Variants in SLC14A2 observed in about 807,000 individuals in gnomAD.
SLC14A2 encodes urea transporter 2.
Under a neutral mutation model 104.6 loss-of-function variants are expected in SLC14A2, and 91 were observed. That is an observed-to-expected ratio of 0.87 (90% CI 0.73 to 1.04). The LOEUF (loss-of-function observed/expected upper bound fraction) is 1.04, where lower values mean the gene tolerates loss of function less well. Ranked by LOEUF, SLC14A2 falls within the 50% of genes least tolerant of loss-of-function variation. SLC14A2 has a pLI of 0.00. For synonymous variants in SLC14A2, 476 were observed against 466.4 expected (o/e 1.02, Z -0.27); for missense variants, 1,189 against 1,156.0 (o/e 1.03, Z -0.41).
intron 1 of SLC14A2, among the ~76,000 whole-genome samples, chr18:45,269,404 A>G (rs1034853439): frequency 2.0e-5 from 3 of 152,076 alleles, no homozygotes; most frequent in Non-Finnish European, 2.9e-5. Context: ...GCAGGCATTG[A>G]TAGATGGGGA....
At chr18:45,370,703 G>C (rs2085713728) in intron 1 of SLC14A2, among the ~76,000 whole-genome samples, 1 of 152,058 alleles carries the variant, frequency 6.6e-6, no homozygotes, top group Admixed American at 6.6e-5. Context: ...GAGAAGCTTG[G>C]AAACAACATA....
chr18:45,458,452 G>A (rs184289587), intron 1 of SLC14A2, among the ~76,000 whole-genome samples: 5 of 152,110 alleles, frequency 3.3e-5, no homozygotes, highest in Admixed American at 2.6e-4. Flanking sequence ...AACACTCAGG[G>A]AAAGAAGTCT....
At chr18:45,440,462 A>G (rs2086665302) in intron 1 of SLC14A2, 1 of 152,236 alleles carries the variant, frequency 6.6e-6, no homozygotes, top group Non-Finnish European at 1.5e-5. Flanking sequence ...GTTGGAAATC[A>G]GAACGTGTCT....
chr18:45,225,804 G>A (rs1421569782), intron 1 of SLC14A2, among the ~76,000 whole-genome samples: 5 of 152,124 alleles, frequency 3.3e-5, no homozygotes, highest in Non-Finnish European at 7.4e-5. Flanking sequence ...TGTTATTGGT[G>A]TATAGGAATT....
chr18:45,541,140 G>A (rs2043877484), intron 2 of SLC14A2, among the ~76,000 whole-genome samples: 1 of 150,220 alleles, frequency 6.7e-6, no homozygotes, highest in South Asian at 2.1e-4. Flanking sequence ...GATAGTTTGT[G>A]CCCCTCAACA....
chr18:45,171,041 G>T, the SLC14A2 span, among the ~76,000 whole-genome samples: 1 of 152,094 alleles, frequency 6.6e-6, no homozygotes, highest in Non-Finnish European at 1.5e-5. Flanking sequence ...CTCAAACAGA[G>T]ATCTATAGGA....
chr18:45,207,428 AAG>A, the SLC14A2 span, among the ~76,000 whole-genome samples: 9 of 151,220 alleles, frequency 6.0e-5, no homozygotes, highest in South Asian at 2.1e-4. Flanking sequence ...AGAAAGAAAA[AAG>A]AGAAAGAGAA....
At chr18:45,302,643 C>A (rs1261613059) in intron 1 of SLC14A2, among the ~76,000 whole-genome samples, 1 of 152,030 alleles carries the variant, frequency 6.6e-6, no homozygotes, top group Non-Finnish European at 1.5e-5. Context: ...GGTCTTCTTT[C>A]TATAGCCAAC....
intron 1 of SLC14A2, among the ~76,000 whole-genome samples, chr18:45,420,310 C>G (rs1168471321): frequency 6.8e-6 from 1 of 146,108 alleles, no homozygotes. Context: ...TATGAACCAG[C>G]CTTGGAAGTC....
chr18:45,317,429 C>T (rs1336617222), intron 1 of SLC14A2, among the ~76,000 whole-genome samples: 3 of 152,084 alleles, frequency 2.0e-5, no homozygotes, highest in East Asian at 1.9e-4. Flanking sequence ...TTAAGGAAAA[C>T]GTTTGCAACT....
chr18:45,660,949 C>T (rs1368989119), intron 10 of SLC14A2, among the ~76,000 whole-genome samples: 1 of 152,252 alleles, frequency 6.6e-6, no homozygotes, highest in African/African-American at 2.4e-5. Context: ...CCATTCTCAA[C>T]TCTTGGCTGC....
intron 1 of SLC14A2, among the ~76,000 whole-genome samples, chr18:45,474,958 A>C (rs2087329887): frequency 6.6e-6 from 1 of 151,768 alleles, no homozygotes; most frequent in Non-Finnish European, 1.5e-5. Flanking sequence ...TAGTTCTTTT[A>C]ATTGTGATGT....
At chr18:45,523,091 G>T (rs1179325891) in intron 2 of SLC14A2, among the ~76,000 whole-genome samples, 1 of 152,172 alleles carries the variant, frequency 6.6e-6, no homozygotes, top group Admixed American at 6.5e-5. Flanking sequence ...GGTGGGGTGT[G>T]GGGTGGGGGT....
At chr18:45,399,940 G>A (rs188711784) in intron 1 of SLC14A2, among the ~76,000 whole-genome samples, 18 of 152,196 alleles carry the variant, frequency 1.2e-4, no homozygotes, top group Admixed American at 2.0e-4. Context: ...TCCTTCAGAC[G>A]TGAGGCAATG....
intron 1 of SLC14A2, among the ~76,000 whole-genome samples, chr18:45,460,527 G>T (rs1049494995): frequency 2.0e-5 from 3 of 152,178 alleles, no homozygotes; most frequent in Admixed American, 6.5e-5. Context: ...AAATAGGGTT[G>T]GCAGGTCTGA....
chr18:45,642,934 G>A (rs1411589606), intron 8 of SLC14A2, among the ~76,000 whole-genome samples, 198 bp from the exon 9 acceptor site: 1 of 152,210 alleles, frequency 6.6e-6, no homozygotes, highest in Non-Finnish European at 1.5e-5. Flanking sequence ...CAGTCTGGTG[G>A]GAGACTGGCC....
chr18:45,376,707 T>A (rs2243803), intron 1 of SLC14A2, among the ~76,000 whole-genome samples: 79,302 of 151,990 alleles, frequency 0.52, 24,306 homozygotes, highest in African/African-American at 0.86. Context: ...GGGACATCCC[T>A]AAAAGAGATG....
intron 2 of SLC14A2, among the ~76,000 whole-genome samples, chr18:45,512,514 G>A (rs1300427146): frequency 6.6e-6 from 1 of 152,184 alleles, no homozygotes; most frequent in Admixed American, 6.5e-5. Context: ...GTAACTCCCT[G>A]CTTTCCTGGT....
At chr18:45,459,335 G>A (rs1354517225) in intron 1 of SLC14A2, among the ~76,000 whole-genome samples, 1 of 152,138 alleles carries the variant, frequency 6.6e-6, no homozygotes, top group African/African-American at 2.4e-5. Flanking sequence ...TGGCTTATTC[G>A]ACCTTGTCTC....
Sources: gnomAD v4.1 joint callset for allele counts (sites outside exome capture counted in the v4.1 genomes callset) on GRCh38, gnomAD v4.1.1 for gene constraint, MANE v1.5 for transcripts, NCBI Gene and HGNC (gene_info 2026-07-23, HGNC 2026-07-21) for gene names.